Variants in ZNF793 observed in about 807,000 individuals in gnomAD.
ZNF793 encodes zinc finger protein 793.
Under a neutral mutation model 12.4 loss-of-function variants are expected in ZNF793, and 5 were observed. That is an observed-to-expected ratio of 0.40 (90% confidence interval 0.21 to 0.84). The LOEUF is 0.84. Among genes scored for constraint, ZNF793 ranks in the 40% least tolerant of loss-of-function variants. The pLI is 0.35. For missense variants in ZNF793, 456 were observed against 495.0 expected (o/e 0.92, Z 0.75); for synonymous variants, 162 against 172.4 (o/e 0.94, Z 0.47).
chr19:37,533,289 A>G lies in ZNF793; in HGVS notation c.143-19A>G, dbSNP rs1259039580. 6.2e-7 allele frequency: 1 copy of G among 1,613,038 alleles called. No homozygotes were observed. The highest frequency in any genetic ancestry group is 2.2e-5 in the East Asian group (1 of 44,872). Reference sequence around the variant, plus strand: ...CCAAGGAGCTCAGCCCAAGACCTGCATCAATTTCCCCGGAACAGGTTATGA... The same window carrying G: ...CCAAGGAGCTCAGCCCAAGACCTGCGTCAATTTCCCCGGAACAGGTTATGA... On this transcript the variant is annotated intron_variant, in intron 6 of 7. Coordinates refer to ENST00000627814, the MANE Select transcript of ZNF793 (RefSeq NM_001013659.3).
At chr19:37,510,993 G>A (rs542266014) in intron 2 of ZNF793, among the ~76,000 whole-genome samples, 27 of 151,882 alleles carry the variant, frequency 1.8e-4, no homozygotes, top group Non-Finnish European at 3.1e-4. Context: ...CACCACACCC[G>A]GCCAAAAAAT....
chr19:37,509,427 G>A (rs1042940553), intron 2 of ZNF793, among the ~76,000 whole-genome samples: 5 of 152,176 alleles, frequency 3.3e-5, no homozygotes, highest in East Asian at 1.9e-4. Context: ...AAATTATTAC[G>A]TTTGATCTTT....
At chr19:37,530,126 C>T (rs2042446622) in intron 5 of ZNF793, among the ~76,000 whole-genome samples, 1 of 152,152 alleles carries the variant, frequency 6.6e-6, no homozygotes, top group Non-Finnish European at 1.5e-5. Flanking sequence ...GATATGCATA[C>T]ACATAAACAT....
In ZNF793 at chr19:37,542,478, A is replaced by G. The variant is rs2042558360; in HGVS notation, c.*4599A>G. The G allele has an allele frequency of 4.8e-6, 2 of 415,234 alleles. No individual in the cohort carries two copies. Among genetic ancestry groups the G allele is most frequent in the Non-Finnish European group, 4.8e-6 (1 of 206,294 alleles). The allele number at this position is 415,234 out of a possible 1,614,324, so 25.7% of individuals were successfully genotyped here. On this transcript the variant is annotated 3_prime_UTR_variant, in exon 8 of 8. Transcript: ENST00000627814. ...ATCTTCCCTTAGAAGTAAAAGCTCCAATACATAAAAGACAGATGAACATGT... is the reference window on the plus strand; with the variant it reads ...ATCTTCCCTTAGAAGTAAAAGCTCCGATACATAAAAGACAGATGAACATGT...
At chr19:37,520,965 A>G (rs2147076894) in intron 3 of ZNF793, among the ~76,000 whole-genome samples, 1 of 151,050 alleles carries the variant, frequency 6.6e-6, no homozygotes, top group East Asian at 1.9e-4. Flanking sequence ...TCAGAATTAC[A>G]GACATGCACC....
intron 2 of ZNF793, among the ~76,000 whole-genome samples, chr19:37,517,802 GTT>G (rs2042344530): frequency 6.6e-6 from 1 of 151,966 alleles, no homozygotes; most frequent in Admixed American, 6.6e-5. Context: ...ATGTGTCATA[GTT>G]TTATTTGTTC....
chr19:37,519,441 A>G (rs144490953), intron 2 of ZNF793, among the ~76,000 whole-genome samples: 4 of 152,332 alleles, frequency 2.6e-5, no homozygotes, highest in African/African-American at 7.2e-5. Flanking sequence ...AGCAGAAACT[A>G]TAAGGGGAAA....
rs1396560975 is a variant in ZNF793 at position 37,542,494 on chromosome 19, A to T, written c.*4615A>T. The stretch of plus-strand genomic sequence containing the variant: ...AAAAGCTCCAATACATAAAAGACAG[A>T]TGAACATGTGAACATGGACATTTAT... On this transcript the variant is annotated 3_prime_UTR_variant, in exon 8 of 8. Coordinates refer to ENST00000627814, the MANE Select transcript of ZNF793 (RefSeq NM_001013659.3). The T allele has an allele frequency of 2.5e-6, 1 of 404,234 alleles. No homozygotes were observed. The highest frequency in any genetic ancestry group is 5.0e-6 in the Non-Finnish European group (1 of 200,954). 25.0% of individuals were successfully genotyped at this position (404,234 alleles called of 1,614,324 possible). A position where few individuals can be genotyped will look rare whatever the true frequency, so the allele number is the denominator to read the frequency against.
rs192972687 is a variant in ZNF793 at position 37,521,685 on chromosome 19, C to T, written c.-146-847C>T. ...CTCGAACTCCCAACCTCAGGTGATA[C>T]ACCTGCCTTGGCCTCCCAAAGTGCT... On this transcript the variant is annotated intron_variant, in intron 3 of 7. Transcript: ENST00000627814. 1.3e-3 allele frequency among the ~76,000 whole-genome samples: 191 copies of T among 150,960 alleles called. 2 individuals carry two copies. The highest frequency in any genetic ancestry group is 2.2e-3 in the Non-Finnish European group (147 of 67,612).
rs572389378 is a variant in ZNF793 at position 37,517,934 on chromosome 19, C to T, written c.-275-2250C>T. Among the ~76,000 whole-genome samples, 4 of 152,042 alleles carry T rather than the reference C, an allele frequency of 2.6e-5. No homozygotes were observed. The South Asian group carries it at 6.2e-4, about 24-fold the overall frequency. On this transcript the variant is annotated intron_variant, in intron 2 of 7. Coordinates refer to ENST00000627814, the MANE Select transcript of ZNF793 (RefSeq NM_001013659.3). Reference sequence around the variant, plus strand: ...TGGAAAAGTTAGAAAATGAACACTTCGAAAATGAAACGTAAATTCCTTTCA... The same window carrying T: ...TGGAAAAGTTAGAAAATGAACACTTTGAAAATGAAACGTAAATTCCTTTCA...
chr19:37,527,270 T>C (rs1264421657), intron 5 of ZNF793, among the ~76,000 whole-genome samples: 2 of 152,238 alleles, frequency 1.3e-5, no homozygotes, highest in East Asian at 3.9e-4. Flanking sequence ...GCCAGGCTGG[T>C]CTTGAACTCC....
intron 3 of ZNF793, among the ~76,000 whole-genome samples, chr19:37,521,417 A>G (rs1222334429): frequency 1.4e-5 from 2 of 141,518 alleles, no homozygotes; most frequent in Admixed American, 7.2e-5. Flanking sequence ...ATCACCATGC[A>G]TGGTCAATTC....
intron 5 of ZNF793, among the ~76,000 whole-genome samples, chr19:37,528,825 T>G (rs1163300383): frequency 6.6e-6 from 1 of 152,194 alleles, no homozygotes; most frequent in African/African-American, 2.4e-5. Flanking sequence ...TGCTGGCTTC[T>G]TAAATATTAG....
chr19:37,521,521 C>T (rs2042376374), intron 3 of ZNF793, among the ~76,000 whole-genome samples: 3 of 150,890 alleles, frequency 2.0e-5, no homozygotes, highest in Non-Finnish European at 4.4e-5. Flanking sequence ...CTGCAGCCTC[C>T]ACCTCCCAGG....
intron 5 of ZNF793, among the ~76,000 whole-genome samples, chr19:37,528,351 G>A (rs1350460538): frequency 6.6e-6 from 1 of 152,018 alleles, no homozygotes; most frequent in African/African-American, 2.4e-5. Context: ...GGTTGATCAT[G>A]TAGAAAGGCT....
chr19:37,515,729 GAAAGCATA>G (rs2147065614), intron 2 of ZNF793, among the ~76,000 whole-genome samples: 1 of 152,316 alleles, frequency 6.6e-6, no homozygotes, highest in Non-Finnish European at 1.5e-5. Context: ...GTACCTGTGT[GAAAGCATA>G]AAACATTGCA....
chr19:37,524,603 A>T (rs1183487463), intron 5 of ZNF793, among the ~76,000 whole-genome samples: 1 of 152,156 alleles, frequency 6.6e-6, no homozygotes, highest in Non-Finnish European at 1.5e-5. Flanking sequence ...TCCAGTGGAA[A>T]ATTAGCATTT....
chr19:37,510,473 C>T (rs1244345814), intron 2 of ZNF793, among the ~76,000 whole-genome samples: 1 of 149,588 alleles, frequency 6.7e-6, no homozygotes, highest in Non-Finnish European at 1.5e-5. Context: ...CGAGATTGCA[C>T]CACTGCATTC....
At chr19:37,520,161 C>T (rs942792794) in intron 2 of ZNF793, 23 bp from the exon 3 acceptor site, 2 of 152,570 alleles carry the variant, frequency 1.3e-5, no homozygotes, top group African/African-American at 4.8e-5. Context: ...GGATGACTCA[C>T]CATGGGATCT....
Sources: gnomAD v4.1 joint callset for allele counts (sites outside exome capture counted in the v4.1 genomes callset) on GRCh38, gnomAD v4.1.1 for gene constraint, MANE v1.5 for transcripts, NCBI Gene and HGNC (gene_info 2026-07-23, HGNC 2026-07-21) for gene names.